Variants in SOX6 observed in about 807,000 individuals in gnomAD.
SOX6 encodes the protein transcription factor SOX-6.
SOX6 carries 11 observed loss-of-function variants against 97.8 expected under a neutral mutation model. The ratio of observed to expected loss-of-function variants is 0.11; its 90% confidence interval spans 0.07 to 0.19. The LOEUF is 0.19. Among genes scored for constraint, SOX6 ranks in the 10% least tolerant of loss-of-function variants. SOX6 has a pLI of 1.00. For synonymous variants in SOX6, 360 were observed against 371.4 expected (o/e 0.97, Z 0.35); for missense variants, 810 against 1,039.5 (o/e 0.78, Z 3.04).
intron 3 of SOX6, among the ~76,000 whole-genome samples, chr11:16,691,174 T>C (rs1443505661): frequency 6.6e-6 from 1 of 152,196 alleles, no homozygotes; most frequent in Non-Finnish European, 1.5e-5. Context: ...AACGGTATTG[T>C]CTGAGAATTG....
intron 4 of SOX6, among the ~76,000 whole-genome samples, chr11:16,206,015 T>G (rs935977721): frequency 3.3e-5 from 5 of 152,010 alleles, no homozygotes; most frequent in African/African-American, 1.2e-4. Flanking sequence ...TTACTATGCC[T>G]GTAAAGATCA....
In SOX6 at chr11:15,970,885, A is replaced by G. The variant is rs1853281056; in HGVS notation, c.*1924T>C. The G allele has an allele frequency of 6.6e-6, 1 of 152,646 alleles. No individual in the cohort carries two copies. The highest frequency in any genetic ancestry group is 1.5e-5 in the Non-Finnish European group (1 of 68,052). The allele number at this position is 152,646 out of a possible 1,614,324, so 9.5% of individuals were successfully genotyped here. A position where few individuals can be genotyped will look rare whatever the true frequency, so the allele number is the denominator to read the frequency against. On this transcript the variant is annotated 3_prime_UTR_variant, in exon 16 of 16. Transcript: ENST00000683767. ...GAGGTGAACTATCCCATTCACTGAC[A>G]TTCTCCCACTAAACCTCTCTGGGGG...
At chr11:16,027,516 G>A (rs970325243) in intron 12 of SOX6, among the ~76,000 whole-genome samples, 4 of 152,062 alleles carry the variant, frequency 2.6e-5, no homozygotes, top group African/African-American at 7.2e-5. Flanking sequence ...TGCTTTAGTC[G>A]TACTATAGAG....
chr11:16,709,977 A>C (rs1309477179), intron 3 of SOX6, among the ~76,000 whole-genome samples: 5 of 152,194 alleles, frequency 3.3e-5, no homozygotes, highest in Admixed American at 2.0e-4. Context: ...TTTTTGTATA[A>C]TCTATATTTA....
At chr11:16,696,255 A>C (rs1430580299) in intron 3 of SOX6, among the ~76,000 whole-genome samples, 1 of 152,192 alleles carries the variant, frequency 6.6e-6, no homozygotes, top group African/African-American at 2.4e-5. Context: ...TTTCACTCTT[A>C]AGTTCCGGTC....
chr11:16,270,006 G>A (rs1854203327), intron 3 of SOX6: 1 of 151,114 alleles, frequency 6.6e-6, no homozygotes, highest in South Asian at 2.1e-4. Context: ...CTGATCTTAA[G>A]GGAAATTCCT....
chr11:16,050,683 T>G (rs558536443), intron 10 of SOX6, among the ~76,000 whole-genome samples: 1 of 152,342 alleles, frequency 6.6e-6, no homozygotes, highest in South Asian at 2.1e-4. Flanking sequence ...CCTTCTTCAC[T>G]GAGACAGTAT....
At chr11:16,122,643 A>T (rs1401617149) in intron 6 of SOX6, among the ~76,000 whole-genome samples, 1 of 152,034 alleles carries the variant, frequency 6.6e-6, no homozygotes, top group Non-Finnish European at 1.5e-5. Flanking sequence ...CCATTATTAA[A>T]TTCCTCATCC....
intron 6 of SOX6, among the ~76,000 whole-genome samples, chr11:16,155,162 C>A (rs1235845934): frequency 1.3e-5 from 2 of 152,084 alleles, no homozygotes; most frequent in East Asian, 3.9e-4. Flanking sequence ...CAATCAAAAC[C>A]TCTGCTCTGA....
intron 6 of SOX6, among the ~76,000 whole-genome samples, chr11:16,128,163 C>T (rs1347724967): frequency 6.6e-6 from 1 of 152,126 alleles, no homozygotes; most frequent in Non-Finnish European, 1.5e-5. Context: ...AAATACTATA[C>T]AAATCTAGCA....
intron 3 of SOX6, among the ~76,000 whole-genome samples, chr11:16,297,337 A>G (rs1198904683): frequency 6.6e-6 from 1 of 152,134 alleles, no homozygotes; most frequent in Non-Finnish European, 1.5e-5. Context: ...ATAATACTTC[A>G]CTGAATTTAT....
chr11:16,677,324 TAA>T (rs1384835973), intron 3 of SOX6, among the ~76,000 whole-genome samples: 2 of 152,168 alleles, frequency 1.3e-5, no homozygotes, highest in Non-Finnish European at 2.9e-5. Context: ...CTGAGTAAGT[TAA>T]AGTGTTACAA....
intron 12 of SOX6, among the ~76,000 whole-genome samples, chr11:16,039,381 T>C (rs1855598472): frequency 6.6e-6 from 1 of 152,070 alleles, no homozygotes; most frequent in Non-Finnish European, 1.5e-5. Context: ...AAGGTTAAGG[T>C]GAATACAATT....
At position 16,289,055 on chromosome 11, in the gene SOX6, G is replaced by GA. The variant is rs147331924; in HGVS notation, c.445+29390dup. ...GTCCTCATATTAATGAATTTATTGA[G>GA]AAAAAAATTAAGTAATGGCACCAAA... is the stretch of plus-strand genomic sequence containing the variant. On this transcript the variant is annotated intron_variant, in intron 3 of 15. Coordinates refer to ENST00000683767, the MANE Select transcript of SOX6 (RefSeq NM_001367873.1). 6.9e-3 allele frequency among the ~76,000 whole-genome samples: 1,049 copies of GA among 151,330 alleles called. 11 individuals carry two copies. Among genetic ancestry groups the GA allele is most frequent in the African/African-American group, 0.024 (1,005 of 41,302 alleles).
intron 4 of SOX6, among the ~76,000 whole-genome samples, chr11:16,492,896 T>A (rs975041438): frequency 6.6e-6 from 1 of 152,142 alleles, no homozygotes; most frequent in African/African-American, 2.4e-5. Flanking sequence ...TTTAAGGAAC[T>A]GAAAATAAAA....
At position 15,972,141 on chromosome 11, in the gene SOX6, T is replaced by C. The variant is rs893024573; in HGVS notation, c.*668A>G. ...CCTTACCATTTTCTGGAAAAAAAAA[T>C]GTTGGTTTGCTATTTTATTTTAAGA... On this transcript the variant is annotated 3_prime_UTR_variant, in exon 16 of 16. Coordinates refer to ENST00000683767, the MANE Select transcript of SOX6 (RefSeq NM_001367873.1). The C allele has an allele frequency of 1.3e-5, 2 of 152,690 alleles. No individual in the cohort carries two copies. Among genetic ancestry groups the C allele is most frequent in the Non-Finnish European group, 2.9e-5 (2 of 68,144 alleles). 9.5% of individuals were successfully genotyped at this position (152,690 alleles called of 1,614,324 possible).
chr11:16,094,431 T>C (rs1848752671), intron 9 of SOX6, among the ~76,000 whole-genome samples: 1 of 150,844 alleles, frequency 6.6e-6, no homozygotes, highest in Non-Finnish European at 1.5e-5. Context: ...CAACAGAAAA[T>C]CCAAAAGAAA....
rs528130538 is a variant in SOX6 at position 15,978,758 on chromosome 11, GTC to G, written c.2184-5648_2184-5647del. ...TAATGCTTATTATATATATATATGA[GTC>G]TAGAATTTAGGAGCAAAGGGCTCAC... is the stretch of plus-strand genomic sequence containing the variant. On this transcript the variant is annotated intron_variant, in intron 15 of 15. Coordinates refer to ENST00000683767, the MANE Select transcript of SOX6 (RefSeq NM_001367873.1). Among the ~76,000 whole-genome samples, 395 of 139,818 alleles carry G rather than the reference GTC, an allele frequency of 2.8e-3. 1 individual carries two copies. The highest frequency in any genetic ancestry group is 9.8e-3 in the African/African-American group (376 of 38,494). 91.7% of individuals were successfully genotyped at this position (139,818 alleles called of 152,430 possible). A position where few individuals can be genotyped will look rare whatever the true frequency, so the allele number is the denominator to read the frequency against.
At chr11:16,591,320 T>TAGATAGATAGATAGACAGAC (rs879334616) in intron 4 of SOX6, among the ~76,000 whole-genome samples, 2 of 69,478 alleles carry the variant, frequency 2.9e-5, no homozygotes, top group Non-Finnish European at 6.0e-5. Context: ...GTTAGATACA[T>TAGATAGATAGATAGACAGAC]AGATAGATAG....
Sources: allele counts gnomAD v4.1 joint callset (sites outside exome capture counted in the v4.1 genomes callset), GRCh38; gene constraint gnomAD v4.1.1; transcripts MANE v1.5; gene names NCBI Gene and HGNC (gene_info 2026-07-23, HGNC 2026-07-21).